Variants in OSBPL5 observed in about 807,000 individuals in gnomAD.
OSBPL5 encodes oxysterol binding protein like 5, also known as oxysterol-binding protein-related protein 5.
OSBPL5 carries 71 observed loss-of-function variants against 111.2 expected under a neutral mutation model. That is an observed-to-expected ratio of 0.64 (90% CI 0.53 to 0.78). The LOEUF (loss-of-function observed/expected upper bound fraction) is 0.78. Ranked by LOEUF, OSBPL5 falls within the 30% of genes least tolerant of loss-of-function variation. The pLI, the probability that OSBPL5 is intolerant of heterozygous loss-of-function variation, is 0.00. For synonymous variants in OSBPL5, 549 were observed against 513.9 expected (o/e 1.07, Z -0.93); for missense variants, 1,210 against 1,189.3 (o/e 1.02, Z -0.26).
At chr11:3,149,489 G>A (rs1204554900) in intron 1 of OSBPL5, among the ~76,000 whole-genome samples, 2 of 152,198 alleles carry the variant, frequency 1.3e-5, no homozygotes, top group African/African-American at 4.8e-5. Flanking sequence ...AGTGCTTGCC[G>A]CTCCATGAGC....
At chr11:3,156,622 G>A (rs1276071298) in intron 1 of OSBPL5, among the ~76,000 whole-genome samples, 3 of 152,242 alleles carry the variant, frequency 2.0e-5, no homozygotes, top group African/African-American at 7.2e-5. Flanking sequence ...CAAGCCAGGT[G>A]CCAGGACCTT....
At chr11:3,100,649 A>G (rs1310236282) in intron 13 of OSBPL5, among the ~76,000 whole-genome samples, 1 of 152,198 alleles carries the variant, frequency 6.6e-6, no homozygotes, top group Non-Finnish European at 1.5e-5. Flanking sequence ...AGGAGAGGAC[A>G]GAGTTGGGAA....
chr11:3,138,039 C>T (rs1430648194), intron 1 of OSBPL5, among the ~76,000 whole-genome samples: 1 of 152,226 alleles, frequency 6.6e-6, no homozygotes, highest in Non-Finnish European at 1.5e-5. Flanking sequence ...GTGGCCTGCA[C>T]TGCTGAGGAC....
chr11:3,144,220 C>T (rs955533630), intron 1 of OSBPL5, among the ~76,000 whole-genome samples: 5 of 152,148 alleles, frequency 3.3e-5, no homozygotes, highest in Non-Finnish European at 5.9e-5. Flanking sequence ...GAACATGCCC[C>T]CTCCTCTGCA....
rs1239902179 is a variant in OSBPL5, at chr11:3,110,755, T to C, written c.692-2810A>G. On this transcript the variant is annotated intron_variant, in intron 7 of 21. Transcript: ENST00000263650. This position sits in a 1 kb window ranked among gnomAD's most constrained non-coding sequence, Gnocchi z 5.3. ...CAAAAAAATGCAACCATCTTTCTCT[T>C]ATCTACCTATGACCTGGAAGCCCCT... is the stretch of plus-strand genomic sequence containing the variant. Among the ~76,000 whole-genome samples, 1 of 152,160 alleles carries C rather than the reference T, an allele frequency of 6.6e-6. No homozygotes were observed. Among genetic ancestry groups the C allele is most frequent in the Non-Finnish European group, 1.5e-5 (1 of 68,030 alleles).
intron 20 of OSBPL5, 56 bp from the exon 21 acceptor site, chr11:3,090,004 G>A (rs1396367057): frequency 1.7e-5 from 24 of 1,375,868 alleles, no homozygotes; most frequent in Non-Finnish European, 2.3e-5. Flanking sequence ...GGATGAGCTG[G>A]AGGTCCAGTG....
At chr11:3,102,723 G>A (rs1231491027) in intron 11 of OSBPL5, among the ~76,000 whole-genome samples, 1 of 152,168 alleles carries the variant, frequency 6.6e-6, no homozygotes, top group African/African-American at 2.4e-5. Flanking sequence ...CACGGTCGTG[G>A]TTTTCAAACT....
At chr11:3,155,525 A>G (rs1389424541) in intron 1 of OSBPL5, among the ~76,000 whole-genome samples, 3 of 26,600 alleles carry the variant, frequency 1.1e-4, no homozygotes, top group Non-Finnish European at 1.7e-4. Context: ...CAGGTCTGCC[A>G]CTCACTCACC....
rs1564842677 is a variant in OSBPL5 at position 3,120,572 on chromosome 11, C to T, written c.455G>A (p.Gly152Glu). The part of the protein sequence containing the change: ...WTKLWCVLKP[G>E]VLLIYKTPKV... ...GGGCGTCTTGTAGATGAGCAGCACCCCCGGCTTCAGCACGCACCACAGCTT... is the reference window on the plus strand; with the variant it reads ...GGGCGTCTTGTAGATGAGCAGCACCTCCGGCTTCAGCACGCACCACAGCTT... The change falls in exon 6 of 22, where the codon GGG becomes GAG. Residue 152 changes from glycine to glutamate, a missense_variant. Coordinates refer to ENST00000263650, the MANE Select transcript of OSBPL5 (RefSeq NM_020896.4). 1 of 1,613,312 alleles carries T rather than the reference C, an allele frequency of 6.2e-7. No homozygotes were observed.
At chr11:3,097,698 T>C (rs1857321840) in intron 14 of OSBPL5, among the ~76,000 whole-genome samples, 2 of 152,176 alleles carry the variant, frequency 1.3e-5, no homozygotes, top group Non-Finnish European at 2.9e-5. Flanking sequence ...ATAAAACAAC[T>C]GTGCTTATTA....
At position 3,140,326 on chromosome 11, in the gene OSBPL5, G is replaced by A. The variant is rs75515920; in HGVS notation, c.-21-11157C>T. Among the ~76,000 whole-genome samples, 7,679 of 152,210 alleles carry A rather than the reference G, an allele frequency of 0.05. 637 individuals are homozygous for A. The highest frequency in any genetic ancestry group is 0.17 in the African/African-American group (7,230 of 41,488). On this transcript the variant is annotated intron_variant, in intron 1 of 21. Coordinates refer to ENST00000263650, the MANE Select transcript of OSBPL5 (RefSeq NM_020896.4). This position sits in a 1 kb window ranked among gnomAD's most constrained non-coding sequence, Gnocchi z 4.5. ...ACCCAGGAGTGACACACACAGCCAA[G>A]CTCTCCCCTGTATCCCTCAGGTGCT...
At chr11:3,134,508 C>A (rs188205887) in intron 1 of OSBPL5, among the ~76,000 whole-genome samples, 1 of 152,144 alleles carries the variant, frequency 6.6e-6, no homozygotes, top group African/African-American at 2.4e-5. Context: ...CAGGGCTGGC[C>A]CCCCAGCCCC....
At chr11:3,094,365 G>A (rs375295428) in intron 14 of OSBPL5, 31 bp from the exon 15 acceptor site, 63 of 1,589,350 alleles carry the variant, frequency 4.0e-5, no homozygotes, top group East Asian at 2.0e-4. Flanking sequence ...GGGGCCAGGC[G>A]GCCCCAGCCC....
At chr11:3,151,273 T>C (rs995540091) in intron 1 of OSBPL5, among the ~76,000 whole-genome samples, 1 of 152,182 alleles carries the variant, frequency 6.6e-6, no homozygotes, top group African/African-American at 2.4e-5. Flanking sequence ...TCACTGTGAA[T>C]GACTCTGTGT....
rs193028705 is a variant in OSBPL5 at position 3,141,398 on chromosome 11, C to G, written c.-21-12229G>C. On this transcript the variant is annotated intron_variant, in intron 1 of 21. Transcript: ENST00000263650. The surrounding 1 kb of genome is among the most constrained non-coding windows in gnomAD (Gnocchi z 6.5). The stretch of plus-strand genomic sequence containing the variant: ...ACCCCTCCTGCCCCAGCAGGCAGGT[C>G]CAGCCCCGAGGCCTCCTTGGTTCCC... Among the ~76,000 whole-genome samples the G allele has an allele frequency of 2.1e-3, 318 of 152,242 alleles. 1 individual carries two copies. Among genetic ancestry groups the G allele is most frequent in the African/African-American group, 7.4e-3 (309 of 41,540 alleles).
chr11:3,124,281 A>C (rs1858522828), intron 3 of OSBPL5, among the ~76,000 whole-genome samples: 1 of 152,174 alleles, frequency 6.6e-6, no homozygotes, highest in South Asian at 2.1e-4. Context: ...CAGGATCACA[A>C]GAAGAAAACG....
At chr11:3,148,909 G>A (rs767441025) in intron 1 of OSBPL5, among the ~76,000 whole-genome samples, 1 of 152,234 alleles carries the variant, frequency 6.6e-6, no homozygotes, top group East Asian at 1.9e-4. Flanking sequence ...TAAGACTCAG[G>A]ATGAGCTGGA....
Position 3,104,587 on chromosome 11 carries a change from C to T in OSBPL5, c.1060-210G>A, listed in dbSNP as rs971693656. Among the ~76,000 whole-genome samples the T allele has an allele frequency of 2.0e-5, 3 of 152,296 alleles. No individual in the cohort carries two copies. Among genetic ancestry groups the T allele is most frequent in the African/African-American group, 4.8e-5 (2 of 41,574 alleles). On this transcript the variant is annotated intron_variant, in intron 9 of 21. Coordinates refer to ENST00000263650, the MANE Select transcript of OSBPL5 (RefSeq NM_020896.4). The surrounding 1 kb of genome is among the most constrained non-coding windows in gnomAD (Gnocchi z 5.0). ...GTCTCCACCCCACCCCTGGAGCACCCGCAGCCCAGGTCCAGGCCCGCTCCT... is the reference window on the plus strand; with the variant it reads ...GTCTCCACCCCACCCCTGGAGCACCTGCAGCCCAGGTCCAGGCCCGCTCCT...
chr11:3,088,537 G>A (rs907535052), intron 21 of OSBPL5, among the ~76,000 whole-genome samples, 194 bp from the exon 22 acceptor site: 1 of 152,154 alleles, frequency 6.6e-6, no homozygotes, highest in Non-Finnish European at 1.5e-5. Flanking sequence ...ACAGCACCAT[G>A]GCTATACTGG....
Sources: gnomAD v4.1 joint callset for allele counts (sites outside exome capture counted in the v4.1 genomes callset) on GRCh38, gnomAD v4.1.1 for gene constraint, Gnocchi (gnomAD v3.1) non-coding constraint, MANE v1.5 for transcripts, NCBI Gene and HGNC (gene_info 2026-07-23, HGNC 2026-07-21) for gene names.